The following CNKSR2 variants were observed in gnomAD, a reference collection of about 807,000 sequenced individuals.
CNKSR2 encodes the protein connector enhancer of kinase suppressor of Ras 2, also known as CNK homolog protein 2.
In CNKSR2, 14 loss-of-function variants were observed where a neutral mutation model predicts 84.4. The ratio of observed to expected loss-of-function variants is 0.17; its 90% CI spans 0.11 to 0.26. The LOEUF is 0.26. CNKSR2 is among the 10% of genes least tolerant of loss of function. CNKSR2 has a pLI of 1.00. For missense variants in CNKSR2, 485 were observed against 771.2 expected, an observed-to-expected ratio of 0.63 and a Z score of 4.40; for synonymous variants, 275 against 277.9, an observed-to-expected ratio of 0.99 and a Z score of 0.10.
intron 10 of CNKSR2, 61 bp from the exon 11 acceptor site, chrX:21,531,795 T>A: frequency 6.5e-6 from 5 of 771,715 alleles, no homozygotes; most frequent in Non-Finnish European, 9.7e-6. Flanking sequence ...TTTTAGACCC[T>A]CGGCCATTTA....
Position 21,475,509 on chromosome X carries a change from C to T in CNKSR2, c.561+4702C>T, listed in dbSNP as rs751053611. ...GTAATATATTAATAGTTCTTAGGAA[C>T]CTTTTCACTTTAGTACACTGGACTG... On this transcript the variant is annotated intron_variant, in intron 5 of 21. Transcript: ENST00000379510. Among the ~76,000 whole-genome samples the T allele has an allele frequency of 2.0e-4, 22 of 111,241 alleles. No individual in the cohort carries two copies. In the East Asian group the frequency reaches 5.1e-3, roughly 26 times the overall value.
chrX:21,575,665 A>G (rs2092314690), intron 13 of CNKSR2, among the ~76,000 whole-genome samples: 1 of 111,681 alleles, frequency 9.0e-6, no homozygotes, highest in Non-Finnish European at 1.9e-5. Context: ...AGGCTTTTTT[A>G]CTTGCCTCCT....
chrX:21,486,328 A>G (rs1191871020), intron 5 of CNKSR2, among the ~76,000 whole-genome samples: 1 of 111,486 alleles, frequency 9.0e-6, no homozygotes, highest in Non-Finnish European at 1.9e-5. Flanking sequence ...AATTGCAAGA[A>G]CACTTGCAAG....
At chrX:21,625,717 T>C (rs1344524481) in intron 20 of CNKSR2, among the ~76,000 whole-genome samples, 2 of 112,022 alleles carry the variant, frequency 1.8e-5, no homozygotes, top group Admixed American at 9.5e-5. Context: ...AGAAATAGCA[T>C]TCTTTGACCT....
chrX:21,443,323 G>A (rs1022885943), intron 4 of CNKSR2, among the ~76,000 whole-genome samples: 1 of 111,591 alleles, frequency 9.0e-6, no homozygotes, highest in East Asian at 2.8e-4. Flanking sequence ...TCCATTTGGT[G>A]TTAGTTTTCA....
At chrX:21,571,599 C>T (rs1457412213) in intron 13 of CNKSR2, among the ~76,000 whole-genome samples, 1 of 111,717 alleles carries the variant, frequency 9.0e-6, no homozygotes, top group Non-Finnish European at 1.9e-5. Context: ...ACAGAATTTA[C>T]CTTAAAGAGC....
At chrX:21,406,186 G>A (rs1426894179) in intron 1 of CNKSR2, among the ~76,000 whole-genome samples, 4 of 111,390 alleles carry the variant, frequency 3.6e-5, no homozygotes, top group Non-Finnish European at 7.5e-5. Flanking sequence ...ACTGTGTTGT[G>A]CACTGAGCAT....
intron 17 of CNKSR2, among the ~76,000 whole-genome samples, chrX:21,600,615 A>C (rs1053043617): frequency 2.7e-5 from 3 of 112,420 alleles, no homozygotes; most frequent in African/African-American, 9.7e-5. Context: ...CAGTCCCTAC[A>C]TTGGCAATAG....
chrX:21,512,800 A>T (rs1195641331), intron 8 of CNKSR2, among the ~76,000 whole-genome samples: 22 of 111,314 alleles, frequency 2.0e-4, no homozygotes, highest in African/African-American at 7.2e-4. Flanking sequence ...AAGTAAAGAG[A>T]TAATGAGTTT....
chrX:21,508,515 G>T (rs1217763389), intron 8 of CNKSR2, among the ~76,000 whole-genome samples: 1 of 111,920 alleles, frequency 8.9e-6, no homozygotes, highest in Non-Finnish European at 1.9e-5. Context: ...ATGTTTTGAT[G>T]AAGTAAAAGG....
intron 5 of CNKSR2, among the ~76,000 whole-genome samples, chrX:21,485,293 G>T (rs1296223296): frequency 9.0e-6 from 1 of 111,650 alleles, no homozygotes; most frequent in Non-Finnish European, 1.9e-5. Context: ...ATGAAAGAAT[G>T]CTATCTTATT....
At chrX:21,545,093 G>A (rs1159168367) in intron 11 of CNKSR2, among the ~76,000 whole-genome samples, 2 of 111,477 alleles carry the variant, frequency 1.8e-5, no homozygotes, top group Non-Finnish European at 3.8e-5. Context: ...ATCTAGCTCA[G>A]TGGATCCCAC....
chrX:21,433,927 A>G (rs897520533), intron 3 of CNKSR2, among the ~76,000 whole-genome samples: 1 of 111,166 alleles, frequency 9.0e-6, no homozygotes, highest in Non-Finnish European at 1.9e-5. Flanking sequence ...ATTTTGCATT[A>G]TAACATTATT....
At chrX:21,590,982 A>G in intron 14 of CNKSR2, 40 bp from the exon 15 acceptor site, 1 of 1,131,775 alleles carries the variant, frequency 8.8e-7, no homozygotes, top group Non-Finnish European at 1.2e-6. Flanking sequence ...CTCTACTTTC[A>G]TACCTTTGAC....
chrX:21,519,907 G>A (rs764534928), intron 9 of CNKSR2, among the ~76,000 whole-genome samples: 4 of 110,752 alleles, frequency 3.6e-5, no homozygotes, highest in South Asian at 7.5e-4. Context: ...ATAAGGAATC[G>A]TTTTTATCTA....
chrX:21,480,788 C>G (rs2091310645), intron 5 of CNKSR2, among the ~76,000 whole-genome samples: 3 of 112,074 alleles, frequency 2.7e-5, no homozygotes, highest in South Asian at 7.4e-4. Context: ...CATTTTCTCA[C>G]TGTTTTGGCA....
intron 20 of CNKSR2, among the ~76,000 whole-genome samples, chrX:21,634,252 T>A: frequency 8.9e-6 from 1 of 112,396 alleles, no homozygotes; most frequent in South Asian, 3.7e-4. Flanking sequence ...GAGATTAGAT[T>A]TATAACAAAT....
At chrX:21,462,959 G>A (rs2147127838) in intron 4 of CNKSR2, among the ~76,000 whole-genome samples, 1 of 110,383 alleles carries the variant, frequency 9.1e-6, no homozygotes, top group African/African-American at 3.3e-5. Context: ...GCCCGCCTCG[G>A]CCTCCCAAAG....
intron 20 of CNKSR2, among the ~76,000 whole-genome samples, chrX:21,615,499 A>G (rs912090356): frequency 1.8e-5 from 2 of 111,554 alleles, no homozygotes; most frequent in African/African-American, 3.3e-5. Flanking sequence ...CTAGACCTCA[A>G]TGTCTTCATT....
Sources: gnomAD v4.1 joint callset for allele counts (sites outside exome capture counted in the v4.1 genomes callset) on GRCh38, gnomAD v4.1.1 for gene constraint, MANE v1.5 for transcripts, NCBI Gene and HGNC (gene_info 2026-07-23, HGNC 2026-07-21) for gene names.